Variants in HAO1 observed in about 807,000 individuals in gnomAD.
HAO1 encodes 2-Hydroxyacid oxidase 1.
Under a neutral mutation model 39.7 loss-of-function variants are expected in HAO1, and 34 were observed. The observed-to-expected ratio is 0.86, with a 90% confidence interval of 0.65 to 1.14. HAO1 has a LOEUF of 1.14. HAO1 is among the 50% of genes most tolerant of loss of function. The probability of loss-of-function intolerance (pLI) is 0.00; values close to 1 mark genes in which losing one functional copy is unlikely to be tolerated. For missense variants in HAO1, 479 were observed against 464.5 expected (o/e 1.03, Z -0.29); for synonymous variants, 172 against 173.2 (o/e 0.99, Z 0.05).
intron 3 of HAO1, among the ~76,000 whole-genome samples, chr20:7,908,561 T>C (rs2050260300): frequency 6.6e-6 from 1 of 152,184 alleles, no homozygotes; most frequent in Non-Finnish European, 1.5e-5. Context: ...TATATTGTCA[T>C]AAAGATATGA....
At chr20:7,899,884 A>G (rs554480789) in intron 4 of HAO1, among the ~76,000 whole-genome samples, 2 of 152,310 alleles carry the variant, frequency 1.3e-5, no homozygotes, top group South Asian at 2.1e-4. Flanking sequence ...CATTAAGTAC[A>G]TTGATTGATA....
chr20:7,899,026 T>C (rs2050209872), intron 4 of HAO1, among the ~76,000 whole-genome samples: 1 of 152,024 alleles, frequency 6.6e-6, no homozygotes, highest in African/African-American at 2.4e-5. Flanking sequence ...CGTATAGCTC[T>C]CCAGTTTATA....
At position 7,935,147 on chromosome 20, in the gene HAO1, C is replaced by T. The variant is rs189622500; in HGVS notation, c.138-512G>A. Among the ~76,000 whole-genome samples, 5 of 152,252 alleles carry T rather than the reference C, an allele frequency of 3.3e-5. No homozygotes were observed. The East Asian group carries it at 5.8e-4, about 18-fold the overall frequency. ...GTTTGGCTTCTTTCACTTAACATAA[C>T]GCATTAGAGATTTTCTCATGTTGTT... On this transcript the variant is annotated intron_variant, in intron 1 of 7. Transcript: ENST00000378789.
intron 5 of HAO1, among the ~76,000 whole-genome samples, chr20:7,894,318 G>A (rs2050187180): frequency 6.6e-6 from 1 of 152,104 alleles, no homozygotes; most frequent in African/African-American, 2.4e-5. Context: ...CGATACAGTT[G>A]TATTCAGTCC....
intron 5 of HAO1, among the ~76,000 whole-genome samples, chr20:7,888,123 C>T (rs567714579): frequency 2.0e-3 from 312 of 152,204 alleles, no homozygotes; most frequent in African/African-American, 7.1e-3. Context: ...AGTTAATCTC[C>T]AGGAAAATAT....
intron 2 of HAO1, among the ~76,000 whole-genome samples, chr20:7,924,194 G>GTGTTTTTGTTGTTGT (rs78746511): frequency 0.016 from 2,384 of 148,722 alleles, 64 homozygotes; most frequent in African/African-American, 0.057. Context: ...AGTTTGGGTT[G>GTGTTTTTGTTGTTGT]TGTTGTTGTT....
chr20:7,934,283 G>A (rs1463213209), intron 2 of HAO1, among the ~76,000 whole-genome samples: 13 of 152,206 alleles, frequency 8.5e-5, no homozygotes, highest in Non-Finnish European at 1.9e-4. Flanking sequence ...CCAATGCAGA[G>A]AGAGGATATC....
chr20:7,889,799 T>C (rs76893105), intron 5 of HAO1, among the ~76,000 whole-genome samples: 4,501 of 152,274 alleles, frequency 0.03, 223 homozygotes, highest in African/African-American at 0.099. Context: ...CACTTTCTTT[T>C]TGTAAGCAAC....
chr20:7,916,496 C>T lies in HAO1; in HGVS notation c.290-2077G>A, dbSNP rs549624486. Among the ~76,000 whole-genome samples, 53 of 152,224 alleles carry T rather than the reference C, an allele frequency of 3.5e-4. 1 individual carries two copies. Among genetic ancestry groups the T allele is most frequent in the African/African-American group, 1.3e-3 (52 of 41,524 alleles). ...GATTCTCAAACTTTAGCAGGACAAT[C>T]CCCTGGAGGGCATGTGAATGAAACA... On this transcript the variant is annotated intron_variant, in intron 2 of 7. Coordinates refer to ENST00000378789, the MANE Select transcript of HAO1 (RefSeq NM_017545.3).
At position 7,885,546 on chromosome 20, in the gene HAO1, T is replaced by A; in HGVS notation, c.1017A>T (p.Glu339Asp). The change falls in exon 7 of 8, where the codon GAA becomes GAT. Residue 339 changes from glutamate (E) to aspartate (D), a missense_variant. By Grantham distance (45) the Glu-to-Asp change is conservative (BLOSUM62 2). Coordinates refer to ENST00000378789, the MANE Select transcript of HAO1 (RefSeq NM_017545.3). ...VQDVLEILKE[E>D]FRLAMALSGC... ...CACTCAGAGCCATGGCCAACCGGAA[T>A]TCTTCCTTTAGTATCTCGAGGACAT... 1 of 1,611,884 alleles carries A rather than the reference T, an allele frequency of 6.2e-7. No homozygotes were observed. The highest frequency in any genetic ancestry group is 1.7e-5 in the Admixed American group (1 of 60,000).
intron 5 of HAO1, among the ~76,000 whole-genome samples, chr20:7,893,167 A>C (rs1423874655): frequency 6.6e-6 from 1 of 151,936 alleles, no homozygotes; most frequent in Non-Finnish European, 1.5e-5. Flanking sequence ...ATTTCCCAAA[A>C]CTCTCCCACT....
In HAO1 at chr20:7,933,960, C is replaced by T. The variant is rs377645734; in HGVS notation, c.289+524G>A. ...CATGACCCAAAACCACGGAAGAAAA[C>T]ACAACCAACCACGTTGCTCCATTTG... On this transcript the variant is annotated intron_variant, in intron 2 of 7. Coordinates refer to ENST00000378789, the MANE Select transcript of HAO1 (RefSeq NM_017545.3). Among the ~76,000 whole-genome samples the T allele has an allele frequency of 1.3e-3, 196 of 152,256 alleles. 3 individuals are homozygous for T. The South Asian group carries it at 0.04, about 31-fold the overall frequency.
intron 4 of HAO1, among the ~76,000 whole-genome samples, chr20:7,896,051 G>A (rs2050196123): frequency 6.6e-6 from 1 of 151,262 alleles, no homozygotes; most frequent in South Asian, 2.1e-4. Flanking sequence ...CAGCCTGGGT[G>A]ACAGAGTGAA....
intron 2 of HAO1, among the ~76,000 whole-genome samples, chr20:7,917,726 T>C (rs150146056): frequency 6.6e-6 from 1 of 152,282 alleles, no homozygotes; most frequent in East Asian, 1.9e-4. Flanking sequence ...AGACATCATG[T>C]AGTCAAGCAG....
At chr20:7,915,437 T>C (rs2050302422) in intron 2 of HAO1, among the ~76,000 whole-genome samples, 1 of 152,036 alleles carries the variant, frequency 6.6e-6, no homozygotes, top group South Asian at 2.1e-4. Context: ...AGAAGAATTC[T>C]GCAAGGAGCC....
chr20:7,910,900 A>G (rs891492549), intron 3 of HAO1, among the ~76,000 whole-genome samples: 4 of 152,080 alleles, frequency 2.6e-5, no homozygotes, highest in Non-Finnish European at 5.9e-5. Flanking sequence ...CCACCCTGTT[A>G]TCTTGCTCAT....
At chr20:7,923,306 T>G (rs945839168) in intron 2 of HAO1, among the ~76,000 whole-genome samples, 6 of 152,180 alleles carry the variant, frequency 3.9e-5, no homozygotes, top group Non-Finnish European at 8.8e-5. Flanking sequence ...CAATTGTTCT[T>G]CTAGAGCTTG....
chr20:7,937,677 G>A (rs573235805), intron 1 of HAO1, among the ~76,000 whole-genome samples: 6 of 152,188 alleles, frequency 3.9e-5, no homozygotes, highest in South Asian at 2.1e-4. Flanking sequence ...CTACAACAAC[G>A]TGAAGACCAT....
intron 4 of HAO1, among the ~76,000 whole-genome samples, chr20:7,897,015 T>TA: frequency 6.6e-6 from 1 of 152,262 alleles, no homozygotes; most frequent in South Asian, 2.1e-4. Context: ...GTTACTTTCT[T>TA]AAAAAGGATC....
Sources: gnomAD v4.1 joint callset for allele counts (sites outside exome capture counted in the v4.1 genomes callset) on GRCh38, gnomAD v4.1.1 for gene constraint, MANE v1.5 for transcripts, NCBI Gene and HGNC (gene_info 2026-07-23, HGNC 2026-07-21) for gene names.